ARHGAP8: variants seen among roughly 807,000 people sequenced by gnomAD.
ARHGAP8 encodes Rho GTPase activating protein 8.
In ARHGAP8, 62 loss-of-function variants were observed where a neutral mutation model predicts 46.1. That is an observed-to-expected ratio of 1.34 (90% CI 1.10 to 1.66). The LOEUF (loss-of-function observed/expected upper bound fraction) is 1.66, where lower values mean the gene tolerates loss of function less well. ARHGAP8 is among the 40% of genes most tolerant of loss of function. The pLI is 0.00. For missense variants in ARHGAP8, 923 were observed against 568.4 expected (o/e 1.62, Z -6.34); for synonymous variants, 375 against 243.1 (o/e 1.54, Z -5.05).
chr22:44,812,433 G>A (rs561096168), intron 4 of ARHGAP8, among the ~76,000 whole-genome samples: 16 of 147,770 alleles, frequency 1.1e-4, no homozygotes, highest in Non-Finnish European at 2.2e-4. Flanking sequence ...CTTGGCTCAC[G>A]GCAACCTCTG....
chr22:44,752,816 C>G (rs867046207), intron 1 of ARHGAP8, 189 bp downstream of exon 1: 2 of 151,796 alleles, frequency 1.3e-5, no homozygotes, highest in African/African-American at 2.4e-5. Context: ...GCCTCCGGGT[C>G]CCCTGTGGGT....
chr22:44,830,447 C>T (rs1930865039), intron 7 of ARHGAP8, among the ~76,000 whole-genome samples: 1 of 152,126 alleles, frequency 6.6e-6, no homozygotes. Context: ...TCTCCTGCCT[C>T]AGCCTCCTGA....
chr22:44,861,707 T>G (rs1012407159), intron 11 of ARHGAP8, among the ~76,000 whole-genome samples: 5 of 152,302 alleles, frequency 3.3e-5, no homozygotes, highest in African/African-American at 4.8e-5. Flanking sequence ...GCTGGCCACA[T>G]GACCTTGGGC....
intron 5 of ARHGAP8, among the ~76,000 whole-genome samples, chr22:44,821,007 A>G (rs1930090781): frequency 1.3e-5 from 2 of 152,256 alleles, no homozygotes; most frequent in East Asian, 1.9e-4. Context: ...AAAATAAACG[A>G]CATTGAAAAT....
At chr22:44,822,307 T>G in intron 5 of ARHGAP8, 64 bp from the exon 6 acceptor site, 1 of 1,439,410 alleles carries the variant, frequency 6.9e-7, no homozygotes, top group Non-Finnish European at 9.4e-7. Flanking sequence ...CCTCCCTCCC[T>G]GCAACCCTCG....
chr22:44,828,638 A>G (rs1036694468), intron 7 of ARHGAP8, among the ~76,000 whole-genome samples: 1 of 151,860 alleles, frequency 6.6e-6, no homozygotes, highest in Non-Finnish European at 1.5e-5. Context: ...TTTTTAGTAC[A>G]GGCAGGGTTT....
At chr22:44,848,892 C>A (rs777297069) in intron 9 of ARHGAP8, 40 bp from the exon 10 acceptor site, 10 of 1,610,784 alleles carry the variant, frequency 6.2e-6, no homozygotes, top group Middle Eastern at 1.7e-4. Flanking sequence ...AGTGCCCAGG[C>A]CGGGGTGCAG....
At chr22:44,826,891 G>C (rs752811729) in intron 7 of ARHGAP8, among the ~76,000 whole-genome samples, 1 of 152,184 alleles carries the variant, frequency 6.6e-6, no homozygotes, top group Non-Finnish European at 1.5e-5. Context: ...CTGGGGACCT[G>C]CCTGTTTCTT....
In ARHGAP8 at chr22:44,862,726, T is replaced by C. The variant is rs1050640473; in HGVS notation, c.*131T>C. ...TCAGAACCTTCTAATGAAAACTCCA[T>C]GCCTCTGGTCCTTGGACTCTTGTCC... is the stretch of plus-strand genomic sequence containing the variant. On this transcript the variant is annotated 3_prime_UTR_variant, in exon 12 of 12. Transcript: ENST00000356099. 4 of 1,137,912 alleles carry C rather than the reference T, an allele frequency of 3.5e-6. No homozygotes were observed. Among genetic ancestry groups the C allele is most frequent in the Non-Finnish European group, 4.8e-6 (4 of 833,316 alleles). The allele number at this position is 1,137,912 out of a possible 1,614,324, so 70.5% of individuals were successfully genotyped here.
intron 7 of ARHGAP8, among the ~76,000 whole-genome samples, chr22:44,839,014 C>A (rs554819313): frequency 6.6e-6 from 1 of 152,328 alleles, no homozygotes; most frequent in African/African-American, 2.4e-5. Flanking sequence ...CGGTGGTGAT[C>A]TAGCTCCTAC....
intron 6 of ARHGAP8, among the ~76,000 whole-genome samples, chr22:44,824,903 G>A (rs934620114): frequency 1.8e-4 from 27 of 151,946 alleles, no homozygotes; most frequent in African/African-American, 6.5e-4. Flanking sequence ...AAAGTGTTGG[G>A]ATTACAGGCG....
intron 10 of ARHGAP8, among the ~76,000 whole-genome samples, chr22:44,858,687 C>G (rs536707073): frequency 1.3e-5 from 2 of 149,826 alleles, no homozygotes; most frequent in African/African-American, 5.0e-5. Context: ...TGGGTTTTGA[C>G]TGGAAGGCTA....
intron 7 of ARHGAP8, among the ~76,000 whole-genome samples, chr22:44,839,953 G>T (rs1267959203): frequency 6.6e-6 from 1 of 152,210 alleles, no homozygotes; most frequent in Non-Finnish European, 1.5e-5. Context: ...GATCATCCAA[G>T]ACATGCCTTA....
In ARHGAP8 at chr22:44,801,263, T is replaced by C. The variant is rs865871449; in HGVS notation, c.80-814T>C. 1.6e-4 allele frequency among the ~76,000 whole-genome samples: 14 copies of C among 88,308 alleles called. 1 individual carries two copies. Among genetic ancestry groups the C allele is most frequent in the Admixed American group, 3.7e-4 (3 of 8,070 alleles). The allele number at this position is 88,308 out of a possible 152,430, so 57.9% of individuals were successfully genotyped here. On this transcript the variant is annotated intron_variant, in intron 2 of 11. Coordinates refer to ENST00000356099, the MANE Select transcript of ARHGAP8 (RefSeq NM_181335.3). Reference sequence around the variant, plus strand: ...GGGGGCGCCTCTCCCCGCAGCTGTCTATGTGTGAGGGGCGCCTCTCCCCGC... The same window carrying C: ...GGGGGCGCCTCTCCCCGCAGCTGTCCATGTGTGAGGGGCGCCTCTCCCCGC...
intron 4 of ARHGAP8, among the ~76,000 whole-genome samples, chr22:44,812,306 C>G (rs5766050): frequency 0.27 from 40,068 of 150,718 alleles, 6,131 homozygotes; most frequent in South Asian, 0.4. Flanking sequence ...CTGGAAGCCA[C>G]TGCTACTGCC....
intron 7 of ARHGAP8, among the ~76,000 whole-genome samples, chr22:44,833,096 C>CTTTTCTTTTCTTTTTTTTTTTT (rs535842585): frequency 8.3e-6 from 1 of 120,432 alleles, no homozygotes; most frequent in Non-Finnish European, 1.7e-5. Context: ...CTTTTCTTTT[C>CTTTTCTTTTCTTTTTTTTTTTT]TTTTTTTTTT....
chr22:44,813,805 T>C (rs1050304731), intron 4 of ARHGAP8, among the ~76,000 whole-genome samples: 4 of 151,720 alleles, frequency 2.6e-5, no homozygotes, highest in African/African-American at 7.3e-5. Flanking sequence ...ACAATTACAG[T>C]TACATACACT....
At chr22:44,832,697 C>T (rs188468545) in intron 7 of ARHGAP8, among the ~76,000 whole-genome samples, 2 of 152,244 alleles carry the variant, frequency 1.3e-5, no homozygotes, top group Admixed American at 6.5e-5. Context: ...ATGTCATCTG[C>T]AAATAGAGAT....
At chr22:44,825,045 A>G (rs1930410482) in intron 6 of ARHGAP8, among the ~76,000 whole-genome samples, 1 of 151,368 alleles carries the variant, frequency 6.6e-6, no homozygotes, top group South Asian at 2.1e-4. Flanking sequence ...AAATATTTTA[A>G]TTGAGCATCT....
Sources: gnomAD v4.1 joint callset for allele counts (sites outside exome capture counted in the v4.1 genomes callset) on GRCh38, gnomAD v4.1.1 for gene constraint, MANE v1.5 for transcripts, NCBI Gene and HGNC (gene_info 2026-07-23, HGNC 2026-07-21) for gene names.